Variants in KHDRBS2 observed in about 807,000 individuals in gnomAD.
KHDRBS2 encodes KH RNA binding domain containing, signal transduction associated 2.
KHDRBS2 carries 26 observed loss-of-function variants against 44.3 expected under a neutral mutation model. The ratio of observed to expected loss-of-function variants is 0.59; its 90% CI spans 0.43 to 0.81. The LOEUF (loss-of-function observed/expected upper bound fraction) is 0.81, where lower values mean the gene tolerates loss of function less well. Among genes scored for constraint, KHDRBS2 ranks in the 40% least tolerant of loss-of-function variants. The pLI, the probability that KHDRBS2 is intolerant of heterozygous loss-of-function variation, is 0.00. For missense variants in KHDRBS2, 476 were observed against 433.1 expected, an observed-to-expected ratio of 1.10 and a Z score of -0.88; for synonymous variants, 194 against 151.1, an observed-to-expected ratio of 1.28 and a Z score of -2.08.
intron 7 of KHDRBS2, among the ~76,000 whole-genome samples, chr6:61,724,321 A>G (rs2127557255): frequency 6.6e-6 from 1 of 152,248 alleles, no homozygotes; most frequent in East Asian, 1.9e-4. Flanking sequence ...AAAATAGACT[A>G]AATATGGAAA....
At chr6:61,619,397 T>C in the KHDRBS2 span, among the ~76,000 whole-genome samples, 2 of 152,150 alleles carry the variant, frequency 1.3e-5, no homozygotes, top group Non-Finnish European at 2.9e-5. Flanking sequence ...CTTAGAATAA[T>C]GGCCTCTAGC....
intron 4 of KHDRBS2, among the ~76,000 whole-genome samples, chr6:61,933,093 G>A (rs1260753986): frequency 1.3e-5 from 2 of 152,198 alleles, no homozygotes; most frequent in African/African-American, 4.8e-5. Flanking sequence ...TGTACAGAAA[G>A]TATGGGTGGG....
At chr6:62,233,357 T>A (rs1216362467) in intron 1 of KHDRBS2, among the ~76,000 whole-genome samples, 1 of 152,184 alleles carries the variant, frequency 6.6e-6, no homozygotes, top group Admixed American at 6.5e-5. Context: ...CAATATCACA[T>A]TCATTTCAAA....
chr6:61,945,109 A>ATGTAT lies in KHDRBS2; in HGVS notation c.483+32956_483+32957insATACA, dbSNP rs1256689275. Among the ~76,000 whole-genome samples, 110 of 36,526 alleles carry ATGTAT rather than the reference A, an allele frequency of 3.0e-3. 4 individuals are homozygous for ATGTAT. Among genetic ancestry groups the ATGTAT allele is most frequent in the South Asian group, 0.015 (13 of 874 alleles). 24.0% of individuals were successfully genotyped at this position (36,526 alleles called of 152,430 possible). A position where few individuals can be genotyped will look rare whatever the true frequency, so the allele number is the denominator to read the frequency against. On this transcript the variant is annotated intron_variant, in intron 4 of 8. Transcript: ENST00000281156. ...CTGTCTTAAAAAAAAAAAAAAAAAA[A>ATGTAT]AAAGTATATATATATATATATATAT...
chr6:61,811,838 G>T (rs1788174226), intron 6 of KHDRBS2, among the ~76,000 whole-genome samples: 1 of 152,022 alleles, frequency 6.6e-6, no homozygotes, highest in Middle Eastern at 3.4e-3. Context: ...GAGACTTATA[G>T]TCAGCCCACG....
chr6:62,093,199 G>A (rs1799804808), intron 2 of KHDRBS2, among the ~76,000 whole-genome samples: 1 of 147,978 alleles, frequency 6.8e-6, no homozygotes, highest in Non-Finnish European at 1.5e-5. Context: ...AGAAAATGGA[G>A]AAATTATCCT....
chr6:61,827,229 G>A (rs142097077), intron 6 of KHDRBS2, among the ~76,000 whole-genome samples: 2 of 152,254 alleles, frequency 1.3e-5, no homozygotes, highest in East Asian at 1.9e-4. Context: ...AGGATTCACC[G>A]TGGTGCTCAA....
intron 4 of KHDRBS2, among the ~76,000 whole-genome samples, chr6:61,904,918 T>A (rs1439763429): frequency 6.6e-6 from 1 of 152,158 alleles, no homozygotes; most frequent in African/African-American, 2.4e-5. Flanking sequence ...AAAATCAAGT[T>A]CCTAAGATCA....
At chr6:61,561,640 A>T in the KHDRBS2 span, among the ~76,000 whole-genome samples, 2 of 152,118 alleles carry the variant, frequency 1.3e-5, no homozygotes, top group Admixed American at 1.3e-4. Flanking sequence ...CAACAGACAC[A>T]TGAGAGTATT....
chr6:61,941,612 T>C (rs796286091), intron 4 of KHDRBS2, among the ~76,000 whole-genome samples: 2 of 152,174 alleles, frequency 1.3e-5, no homozygotes, highest in African/African-American at 4.8e-5. Flanking sequence ...CCTCCACCAA[T>C]AACTGCTCCC....
chr6:61,767,244 T>A lies in KHDRBS2; in HGVS notation c.811-34480A>T, dbSNP rs1275111043. Among the ~76,000 whole-genome samples, 3 of 152,114 alleles carry A rather than the reference T, an allele frequency of 2.0e-5. No homozygotes were observed. In the East Asian group the frequency reaches 5.8e-4, roughly 29 times the overall value. ...CTTTTATAGTTATTGTCTTGAAATC[T>A]ATTTCATTTAGCTATTAGTATAGCT... On this transcript the variant is annotated intron_variant, in intron 6 of 8. Coordinates refer to ENST00000281156, the MANE Select transcript of KHDRBS2 (RefSeq NM_152688.4).
the KHDRBS2 span, among the ~76,000 whole-genome samples, chr6:61,548,189 A>C: frequency 6.6e-6 from 1 of 152,192 alleles, no homozygotes; most frequent in Non-Finnish European, 1.5e-5. Context: ...AGTATTTGGA[A>C]AGAGACTTCA....
intron 2 of KHDRBS2, among the ~76,000 whole-genome samples, chr6:62,074,931 T>A (rs1472358579): frequency 6.6e-6 from 1 of 151,976 alleles, no homozygotes; most frequent in African/African-American, 2.4e-5. Context: ...AGTTTTTGAA[T>A]TTCATCTTTA....
intron 2 of KHDRBS2, among the ~76,000 whole-genome samples, chr6:62,062,083 C>A (rs886353101): frequency 2.7e-5 from 4 of 150,528 alleles, no homozygotes; most frequent in African/African-American, 9.8e-5. Flanking sequence ...GCTAACTATC[C>A]TAAATATATA....
intron 1 of KHDRBS2, among the ~76,000 whole-genome samples, chr6:62,183,555 T>C (rs891758747): frequency 6.6e-6 from 1 of 151,622 alleles, no homozygotes; most frequent in African/African-American, 2.4e-5. Context: ...ATTTACAATA[T>C]GTGCAAAAAG....
chr6:62,189,247 T>A (rs1193908294), intron 1 of KHDRBS2, among the ~76,000 whole-genome samples: 2 of 152,094 alleles, frequency 1.3e-5, no homozygotes, highest in African/African-American at 4.8e-5. Context: ...AACTGAAGCC[T>A]TTTGCTAACA....
intron 4 of KHDRBS2, among the ~76,000 whole-genome samples, chr6:61,955,073 CGT>C (rs1276745375): frequency 2.4e-4 from 33 of 139,948 alleles, no homozygotes; most frequent in Admixed American, 2.2e-3. Context: ...TACACATATA[CGT>C]GTGTATGTAT....
chr6:61,687,988 C>A (rs1025009717), intron 8 of KHDRBS2, among the ~76,000 whole-genome samples: 4 of 151,646 alleles, frequency 2.6e-5, no homozygotes, highest in Non-Finnish European at 5.9e-5. Context: ...CAGTTCTAGT[C>A]CCTGTCCTAT....
chr6:62,220,055 G>T (rs1435586072), intron 1 of KHDRBS2, among the ~76,000 whole-genome samples: 1 of 151,066 alleles, frequency 6.6e-6, no homozygotes, highest in Admixed American at 6.6e-5. Flanking sequence ...AGGGAAAAAA[G>T]AAATTTCTAG....
Sources: gnomAD v4.1 joint callset for allele counts (sites outside exome capture counted in the v4.1 genomes callset) on GRCh38, gnomAD v4.1.1 for gene constraint, MANE v1.5 for transcripts, NCBI Gene and HGNC (gene_info 2026-07-23, HGNC 2026-07-21) for gene names.